Variants in DLGAP2 observed in about 807,000 individuals in gnomAD.
DLGAP2 encodes the protein disks large-associated protein 2.
In DLGAP2, 26 loss-of-function variants were observed where a neutral mutation model predicts 100.3. That is an observed-to-expected ratio of 0.26 (90% confidence interval 0.19 to 0.36). The LOEUF (loss-of-function observed/expected upper bound fraction) is 0.36, where lower values mean the gene tolerates loss of function less well. Among genes scored for constraint, DLGAP2 ranks in the 10% least tolerant of loss-of-function variants. The probability of loss-of-function intolerance (pLI) is 1.00; values close to 1 mark genes in which losing one functional copy is unlikely to be tolerated. For synonymous variants in DLGAP2, 886 were observed against 630.1 expected (o/e 1.41, Z -6.08); for missense variants, 1,858 against 1,453.2 (o/e 1.28, Z -4.53).
intron 2 of DLGAP2, among the ~76,000 whole-genome samples, chr8:1,185,733 TCA>T (rs77585255): frequency 2.0e-4 from 28 of 139,328 alleles, no homozygotes; most frequent in Non-Finnish European, 2.6e-4. Flanking sequence ...ACACTCACAC[TCA>T]CACACACACA....
chr8:1,249,129 G>A (rs1049335044), intron 2 of DLGAP2, among the ~76,000 whole-genome samples: 3 of 152,174 alleles, frequency 2.0e-5, no homozygotes, highest in African/African-American at 7.2e-5. Context: ...CTGGGAGGGT[G>A]GCTGGATTAA....
chr8:1,478,558 G>C (rs983228230), intron 3 of DLGAP2, among the ~76,000 whole-genome samples: 5 of 152,116 alleles, frequency 3.3e-5, no homozygotes, highest in African/African-American at 1.2e-4. Flanking sequence ...CCAGGGCAAT[G>C]GTCAAACCAA....
chr8:1,443,455 A>T (rs1051223733), intron 3 of DLGAP2, among the ~76,000 whole-genome samples: 1 of 152,172 alleles, frequency 6.6e-6, no homozygotes. Flanking sequence ...TGCTTCATGA[A>T]TATATTCTCA....
intron 3 of DLGAP2, among the ~76,000 whole-genome samples, chr8:1,484,765 A>G (rs1799196161): frequency 6.6e-6 from 1 of 152,222 alleles, no homozygotes; most frequent in South Asian, 2.1e-4. Flanking sequence ...TATCTGAGGG[A>G]CAGAGGTGGT....
intron 1 of DLGAP2, among the ~76,000 whole-genome samples, chr8:794,069 C>A (rs1487976541): frequency 6.6e-6 from 1 of 151,730 alleles, no homozygotes; most frequent in Non-Finnish European, 1.5e-5. Context: ...GAGCTGTTTG[C>A]CGGCCTGTGC....
At chr8:1,013,398 T>C (rs937305466) in intron 2 of DLGAP2, among the ~76,000 whole-genome samples, 1 of 152,130 alleles carries the variant, frequency 6.6e-6, no homozygotes, top group South Asian at 2.1e-4. Context: ...GTAGAGCCGG[T>C]GTCCTGACTC....
At chr8:1,108,779 AAG>A (rs1804860595) in intron 2 of DLGAP2, among the ~76,000 whole-genome samples, 1 of 133,274 alleles carries the variant, frequency 7.5e-6, no homozygotes, top group Non-Finnish European at 1.5e-5. Context: ...CGTGCCTATG[AAG>A]TGTGCTGGGT....
intron 3 of DLGAP2, among the ~76,000 whole-genome samples, chr8:1,339,093 C>A (rs966518959): frequency 2.0e-5 from 3 of 150,432 alleles, no homozygotes; most frequent in African/African-American, 7.4e-5. Flanking sequence ...AAGGCAGTGA[C>A]CTCAGCGTGG....
At chr8:1,284,882 G>C (rs978512486) in intron 3 of DLGAP2, among the ~76,000 whole-genome samples, 5 of 152,202 alleles carry the variant, frequency 3.3e-5, no homozygotes, top group African/African-American at 4.8e-5. Flanking sequence ...ATGAGCCAGA[G>C]CTTCTTTTCT....
At chr8:1,115,017 G>T (rs1030107944) in intron 2 of DLGAP2, among the ~76,000 whole-genome samples, 5 of 152,168 alleles carry the variant, frequency 3.3e-5, no homozygotes, top group Non-Finnish European at 4.4e-5. Context: ...GTGATTTTCT[G>T]AGTCTTAACT....
At chr8:1,513,098 A>G (rs1397176340) in intron 4 of DLGAP2, among the ~76,000 whole-genome samples, 3 of 131,674 alleles carry the variant, frequency 2.3e-5, no homozygotes, top group African/African-American at 5.8e-5. Flanking sequence ...GTGCAGGGCA[A>G]GACGGGAGAG....
chr8:1,434,405 G>C (rs903309110), intron 3 of DLGAP2, among the ~76,000 whole-genome samples: 2 of 152,136 alleles, frequency 1.3e-5, no homozygotes, highest in Non-Finnish European at 2.9e-5. Context: ...CTGTGTAAGA[G>C]AGAGCCCTTA....
rs73549738 is a variant in DLGAP2 at position 1,686,943 on chromosome 8, G to A, written c.2705-4592G>A. Among the ~76,000 whole-genome samples, 1,447 of 152,252 alleles carry A rather than the reference G, an allele frequency of 9.5e-3. 21 individuals are homozygous for A. Among genetic ancestry groups the A allele is most frequent in the African/African-American group, 0.033 (1,384 of 41,538 alleles). On this transcript the variant is annotated intron_variant, in intron 12 of 14. Transcript: ENST00000637795. ...TCCCAGTCATCCTGATTTGATCTTA[G>A]CACACTGTAGACATCTGTTCAAATA...
At chr8:836,917 T>G (rs1796889280) in intron 1 of DLGAP2, among the ~76,000 whole-genome samples, 1 of 152,232 alleles carries the variant, frequency 6.6e-6, no homozygotes, top group African/African-American at 2.4e-5. Context: ...CCAGCGCACA[T>G]GCACACACCT....
chr8:1,430,025 T>TATATATATATATATAC (rs1797377276), intron 3 of DLGAP2, among the ~76,000 whole-genome samples: 1 of 98,816 alleles, frequency 1.0e-5, no homozygotes, highest in Non-Finnish European at 2.0e-5. Context: ...TATATATATA[T>TATATATATATATATAC]ATACACACAC....
At chr8:1,615,409 TG>T (rs1394504234) in intron 6 of DLGAP2, among the ~76,000 whole-genome samples, 23 of 152,186 alleles carry the variant, frequency 1.5e-4, no homozygotes, top group Admixed American at 1.5e-3. Context: ...AGGCTGAAGT[TG>T]TAGCAACATG....
chr8:1,038,652 T>C (rs965334510), intron 2 of DLGAP2, among the ~76,000 whole-genome samples: 1 of 152,254 alleles, frequency 6.6e-6, no homozygotes, highest in South Asian at 2.1e-4. Flanking sequence ...AATTTCACAA[T>C]GTGCCTCCCT....
At chr8:1,378,618 C>T (rs992452430) in intron 3 of DLGAP2, among the ~76,000 whole-genome samples, 1 of 152,104 alleles carries the variant, frequency 6.6e-6, no homozygotes, top group African/African-American at 2.4e-5. Context: ...CCTCACCTGT[C>T]TGTCCTGCGC....
chr8:1,454,095 A>G (rs1324275069), intron 3 of DLGAP2, among the ~76,000 whole-genome samples: 1 of 152,268 alleles, frequency 6.6e-6, no homozygotes, highest in African/African-American at 2.4e-5. Flanking sequence ...CGATGAAGCC[A>G]TGGAAACCAC....
Sources: allele counts gnomAD v4.1 joint callset (sites outside exome capture counted in the v4.1 genomes callset), GRCh38; gene constraint gnomAD v4.1.1; transcripts MANE v1.5; gene names NCBI Gene and HGNC (gene_info 2026-07-23, HGNC 2026-07-21).